NAV2: variants seen among roughly 807,000 people sequenced by gnomAD.
NAV2 encodes helicase, APC down-regulated 1.
Under a neutral mutation model 223.2 loss-of-function variants are expected in NAV2, and 54 were observed. The ratio of observed to expected loss-of-function variants is 0.24; its 90% confidence interval spans 0.19 to 0.30. NAV2 has a LOEUF of 0.30. Ranked by LOEUF, NAV2 falls within the 10% of genes least tolerant of loss-of-function variation. NAV2 has a pLI of 1.00. For synonymous variants in NAV2, 1,279 were observed against 1,239.3 expected (o/e 1.03, Z -0.67); for missense variants, 2,806 against 3,147.5 (o/e 0.89, Z 2.60).
At chr11:19,486,740 A>T (rs1443613833) in intron 1 of NAV2, among the ~76,000 whole-genome samples, 2 of 152,160 alleles carry the variant, frequency 1.3e-5, no homozygotes, top group East Asian at 3.8e-4. Flanking sequence ...GTGAGAATGG[A>T]CTAATACCGT....
At chr11:19,533,308 T>C (rs1025606186) in intron 1 of NAV2, among the ~76,000 whole-genome samples, 4 of 152,072 alleles carry the variant, frequency 2.6e-5, no homozygotes, top group Non-Finnish European at 5.9e-5. Flanking sequence ...CTCTACCTAC[T>C]AGATGCCATT....
chr11:19,946,440 A>G lies in NAV2; in HGVS notation c.2186A>G (p.Asn729Ser). Residue 729 changes from asparagine (N) to serine (S), a missense_variant, in exon 9 of 38, where the codon AAC becomes AGC. Asn to Ser is a conservative substitution (Grantham distance 46). This residue lies in a region of NAV2 where 1,167 missense variants were observed against 1,180.5 expected (regional missense o/e 0.99). Coordinates refer to ENST00000349880, the MANE Select transcript of NAV2 (RefSeq NM_145117.5). Reference sequence around the variant, plus strand: ...GCTCGGCGGCTGCGGACAGTGAAGAACATCGCTGATCTGCGGCAGAATTTG... The same window carrying G: ...GCTCGGCGGCTGCGGACAGTGAAGAGCATCGCTGATCTGCGGCAGAATTTG... ...PEARRLRTVKNIADLRQNLEE... is the reference protein window; with the variant it reads ...PEARRLRTVKSIADLRQNLEE... The G allele has an allele frequency of 1.2e-6, 2 of 1,613,762 alleles. No homozygotes were observed. The highest frequency in any genetic ancestry group is 1.7e-6 in the Non-Finnish European group (2 of 1,179,888).
intron 1 of NAV2, among the ~76,000 whole-genome samples, chr11:19,800,444 A>G (rs1489105220): frequency 6.6e-6 from 1 of 152,220 alleles, no homozygotes; most frequent in African/African-American, 2.4e-5. Context: ...GAAAAACTTC[A>G]TTCTCTTCAA....
chr11:19,981,779 A>G (rs762770760), intron 10 of NAV2, among the ~76,000 whole-genome samples: 2 of 152,290 alleles, frequency 1.3e-5, no homozygotes, highest in Non-Finnish European at 2.9e-5. Flanking sequence ...CCCATAACCC[A>G]TTACTCTACC....
chr11:20,009,657 T>C (rs2053403458), intron 11 of NAV2, among the ~76,000 whole-genome samples: 3 of 152,170 alleles, frequency 2.0e-5, no homozygotes, highest in South Asian at 2.1e-4. Context: ...CCGATCCCCC[T>C]TGGATAAAGT....
rs562295298 is a variant in NAV2 at position 19,351,118 on chromosome 11, T to C, written c.75+91T>C. 17 of 1,267,824 alleles carry C rather than the reference T, an allele frequency of 1.3e-5. No individual in the cohort carries two copies. In the South Asian group the frequency reaches 2.1e-4, roughly 15 times the overall value. The allele number at this position is 1,267,824 out of a possible 1,614,324, so 78.5% of individuals were successfully genotyped here. ...CATAGGTGGTCATCATCGAGCATGCTTGTCTGTCTTTCTCTCCGGAAGGAG... is the reference window on the plus strand; with the variant it reads ...CATAGGTGGTCATCATCGAGCATGCCTGTCTGTCTTTCTCTCCGGAAGGAG... On this transcript the variant is annotated intron_variant, in intron 1 of 37. Transcript: ENST00000360655.
intron 16 of NAV2, among the ~76,000 whole-genome samples, chr11:20,050,461 G>A (rs1489477572): frequency 6.6e-6 from 1 of 151,674 alleles, no homozygotes; most frequent in Non-Finnish European, 1.5e-5. Context: ...AAATGTACAC[G>A]CTTGTGTTTG....
At chr11:19,769,907 A>G (rs1461388143) in intron 1 of NAV2, among the ~76,000 whole-genome samples, 1 of 152,174 alleles carries the variant, frequency 6.6e-6, no homozygotes, top group Non-Finnish European at 1.5e-5. Context: ...CCTTTGGGAA[A>G]GACACTGCTT....
intron 1 of NAV2, among the ~76,000 whole-genome samples, chr11:19,651,802 C>G (rs1454497304): frequency 6.6e-6 from 1 of 152,186 alleles, no homozygotes; most frequent in Non-Finnish European, 1.5e-5. Flanking sequence ...AAAACTGAGG[C>G]TGAATAGACC....
chr11:19,821,629 C>T (rs1237165327), intron 1 of NAV2, among the ~76,000 whole-genome samples: 1 of 144,316 alleles, frequency 6.9e-6, no homozygotes, highest in African/African-American at 2.9e-5. Flanking sequence ...TACAGTCCTG[C>T]AATGGTAACT....
chr11:19,678,347 T>C (rs1043391532), intron 1 of NAV2, among the ~76,000 whole-genome samples: 1 of 152,166 alleles, frequency 6.6e-6, no homozygotes, highest in Non-Finnish European at 1.5e-5. Context: ...TTGCCTAGCC[T>C]AGTCAGTGGT....
At chr11:19,900,055 G>A (rs1242928289) in intron 6 of NAV2, among the ~76,000 whole-genome samples, 1 of 152,120 alleles carries the variant, frequency 6.6e-6, no homozygotes, top group East Asian at 1.9e-4. Flanking sequence ...AATCAGCTGT[G>A]ATGTTATTAT....
intron 11 of NAV2, among the ~76,000 whole-genome samples, chr11:19,994,704 C>A (rs1042458714): frequency 1.3e-5 from 2 of 152,146 alleles, no homozygotes; most frequent in African/African-American, 4.8e-5. Context: ...TAACCTTTTG[C>A]ATTTGTCATG....
chr11:19,363,030 G>A (rs1248860963), intron 1 of NAV2, among the ~76,000 whole-genome samples: 2 of 152,146 alleles, frequency 1.3e-5, no homozygotes, highest in Non-Finnish European at 2.9e-5. Flanking sequence ...TGTGCAGAAT[G>A]TGCAGTTTTG....
intron 3 of NAV2, among the ~76,000 whole-genome samples, chr11:19,850,784 G>A (rs7948929): frequency 0.15 from 22,283 of 152,096 alleles, 1,689 homozygotes; most frequent in African/African-American, 0.17. Context: ...TATTAATGTT[G>A]ATAACAAAAA....
chr11:19,862,521 C>T (rs1409567296), intron 3 of NAV2, among the ~76,000 whole-genome samples: 2 of 152,220 alleles, frequency 1.3e-5, no homozygotes, highest in African/African-American at 2.4e-5. Context: ...TTTCTTTATA[C>T]ATCAGCCTGA....
At chr11:19,788,599 T>C (rs2152714162) in intron 1 of NAV2, among the ~76,000 whole-genome samples, 1 of 152,144 alleles carries the variant, frequency 6.6e-6, no homozygotes, top group Non-Finnish European at 1.5e-5. Flanking sequence ...ACCAGAGAGG[T>C]GTCAAAAAAG....
At chr11:20,009,535 G>A (rs1457085137) in intron 11 of NAV2, among the ~76,000 whole-genome samples, 5 of 152,116 alleles carry the variant, frequency 3.3e-5, no homozygotes, top group African/African-American at 1.2e-4. Flanking sequence ...TGCAAACAGC[G>A]CTGTGAGATT....
intron 31 of NAV2, among the ~76,000 whole-genome samples, chr11:20,100,690 G>A (rs1243421715): frequency 2.0e-5 from 3 of 152,088 alleles, no homozygotes; most frequent in African/African-American, 7.2e-5. Flanking sequence ...TTCAAGGTGA[G>A]TTTGAATCTG....
Sources: allele counts gnomAD v4.1 joint callset (sites outside exome capture counted in the v4.1 genomes callset), GRCh38; gene constraint gnomAD v4.1.1; regional missense constraint gnomAD v4.1.1; transcripts MANE v1.5; gene names NCBI Gene and HGNC (gene_info 2026-07-23, HGNC 2026-07-21).